RIN3: variants seen among roughly 807,000 people sequenced by gnomAD.
RIN3 encodes Ras and Rab interactor 3.
In RIN3, 54 loss-of-function variants were observed where a neutral mutation model predicts 76.3. The ratio of observed to expected loss-of-function variants is 0.71; its 90% confidence interval spans 0.57 to 0.89. The LOEUF is 0.89. Among genes scored for constraint, RIN3 ranks in the 40% least tolerant of loss-of-function variants. The pLI, the probability that RIN3 is intolerant of heterozygous loss-of-function variation, is 0.00. For synonymous variants in RIN3, 576 were observed against 564.0 expected (o/e 1.02, Z -0.30); for missense variants, 1,256 against 1,322.1 (o/e 0.95, Z 0.78).
intron 1 of RIN3, among the ~76,000 whole-genome samples, chr14:92,525,521 T>G (rs1595388464): frequency 1.4e-5 from 2 of 147,400 alleles, no homozygotes; most frequent in East Asian, 2.0e-4. Flanking sequence ...AAGAGGGGGG[T>G]GAAAGGGAAG....
chr14:92,624,844 G>C (rs1293746052), intron 4 of RIN3, among the ~76,000 whole-genome samples: 1 of 152,218 alleles, frequency 6.6e-6, no homozygotes, highest in African/African-American at 2.4e-5. Flanking sequence ...TGACGCTGGA[G>C]GGGGCGGTGC....
At chr14:92,588,702 T>G (rs1332312015) in intron 3 of RIN3, among the ~76,000 whole-genome samples, 1 of 152,188 alleles carries the variant, frequency 6.6e-6, no homozygotes, top group African/African-American at 2.4e-5. Flanking sequence ...CATAGCAGCA[T>G]GAAAGGAGGC....
intron 3 of RIN3, among the ~76,000 whole-genome samples, chr14:92,582,237 C>T (rs1884571231): frequency 6.6e-6 from 1 of 152,118 alleles, no homozygotes; most frequent in Admixed American, 6.5e-5. Flanking sequence ...TGGGTTCTTT[C>T]TTCCTCCCAG....
intron 6 of RIN3, among the ~76,000 whole-genome samples, chr14:92,654,508 A>G (rs114078074): frequency 0.013 from 2,015 of 152,236 alleles, 39 homozygotes; most frequent in African/African-American, 0.045. Flanking sequence ...GGTACGGTAA[A>G]GGACACGTGG....
Position 92,688,238 on chromosome 14 carries a change from C to G in RIN3, c.2944C>G (p.Pro982Ala). 3 of 1,590,610 alleles carry G rather than the reference C, an allele frequency of 1.9e-6. No individual in the cohort carries two copies. Among genetic ancestry groups the G allele is most frequent in the Non-Finnish European group, 1.7e-6 (2 of 1,170,008 alleles). ...GSPPCLVVRE[P>A]NFL Reference sequence around the variant, plus strand: ...CCCGCCCTGCCTGGTGGTGCGGGAGCCCAACTTCCTGTGAGGCCCTCCCGG... The same window carrying G: ...CCCGCCCTGCCTGGTGGTGCGGGAGGCCAACTTCCTGTGAGGCCCTCCCGG... Residue 982 changes from proline (P) to alanine (A), a missense_variant, in exon 10 of 10, where the codon CCC becomes GCC. Pro to Ala is a conservative substitution (Grantham distance 27). Coordinates refer to ENST00000216487, the MANE Select transcript of RIN3 (RefSeq NM_024832.5).
At chr14:92,677,676 T>A (rs983005332) in intron 8 of RIN3, among the ~76,000 whole-genome samples, 1 of 151,982 alleles carries the variant, frequency 6.6e-6, no homozygotes, top group Non-Finnish European at 1.5e-5. Context: ...TTCTAGGAAG[T>A]CCAGGAATTC....
At chr14:92,548,870 A>T (rs943666) in intron 1 of RIN3, among the ~76,000 whole-genome samples, 1 of 151,834 alleles carries the variant, frequency 6.6e-6, no homozygotes, top group African/African-American at 2.4e-5. Context: ...ACACAATTCA[A>T]CCTCTGAGGT....
chr14:92,604,099 C>A (rs10137832), intron 3 of RIN3, among the ~76,000 whole-genome samples: 126,507 of 152,242 alleles, frequency 0.83, 52,797 homozygotes, highest in East Asian at 0.95. Flanking sequence ...ATGGGGAAGG[C>A]GCCTGCCCCT....
intron 3 of RIN3, among the ~76,000 whole-genome samples, chr14:92,581,056 AAG>A (rs1408192001): frequency 6.6e-6 from 1 of 152,194 alleles, no homozygotes; most frequent in East Asian, 1.9e-4. Flanking sequence ...TCAAAGAAGG[AAG>A]AGAGTGTTAT....
At position 92,687,962 on chromosome 14, in the gene RIN3, C is replaced by G; in HGVS notation, c.2668C>G (p.Gln890Glu). 1.3e-6 allele frequency: 2 copies of G among 1,554,862 alleles called. No individual in the cohort carries two copies. The highest frequency in any genetic ancestry group is 1.7e-6 in the Non-Finnish European group (2 of 1,150,390). ...ICVSYLEPEQQARTLASRADT... is the reference protein window; with the variant it reads ...ICVSYLEPEQEARTLASRADT... ...CGTGTCGTACCTGGAGCCCGAGCAGCAGGCGCGGACGCTGGCGTCGCGGGC... is the reference window on the plus strand; with the variant it reads ...CGTGTCGTACCTGGAGCCCGAGCAGGAGGCGCGGACGCTGGCGTCGCGGGC... The change falls in exon 10 of 10, where the codon CAG becomes GAG. Residue 890 changes from glutamine to glutamate, a missense_variant. Gln to Glu is a conservative substitution (Grantham distance 29, BLOSUM62 2). Transcript: ENST00000216487.
intron 1 of RIN3, among the ~76,000 whole-genome samples, chr14:92,525,469 C>T (rs1036654688): frequency 2.6e-5 from 4 of 151,680 alleles, no homozygotes; most frequent in South Asian, 2.1e-4. Flanking sequence ...GTGCAGGGCT[C>T]GGTAAGTGTT....
chr14:92,620,759 G>A (rs543310460), intron 4 of RIN3, among the ~76,000 whole-genome samples: 255 of 152,214 alleles, frequency 1.7e-3, no homozygotes, highest in African/African-American at 5.7e-3. Context: ...GTGTTACCTA[G>A]GGCCCCCAAA....
intron 6 of RIN3, among the ~76,000 whole-genome samples, chr14:92,658,087 G>A (rs1293740566): frequency 1.3e-5 from 2 of 152,272 alleles, no homozygotes; most frequent in Admixed American, 6.5e-5. Flanking sequence ...CATCCCCTTG[G>A]TATCAAGTAG....
chr14:92,622,929 C>T (rs1280781816), intron 4 of RIN3, among the ~76,000 whole-genome samples: 2 of 152,212 alleles, frequency 1.3e-5, no homozygotes, highest in East Asian at 1.9e-4. Context: ...ATTCGGATTT[C>T]GTGTTCGTTC....
In RIN3 at chr14:92,643,259, G is replaced by C. The variant is rs1887081931; in HGVS notation, c.532+1930G>C. ...AGTAGAGACAGGGTTTCACCATATT[G>C]GTCAGGCTGGTCTTGAACTCCTGAC... On this transcript the variant is annotated intron_variant, in intron 5 of 9. Transcript: ENST00000216487. The surrounding 1 kb of genome is among the most constrained non-coding windows in gnomAD (Gnocchi z 4.8). 6.6e-6 allele frequency among the ~76,000 whole-genome samples: 1 copy of C among 151,938 alleles called. No homozygotes were observed. Among genetic ancestry groups the C allele is most frequent in the Non-Finnish European group, 1.5e-5 (1 of 67,982 alleles).
chr14:92,633,670 C>T (rs1886668157), intron 4 of RIN3, among the ~76,000 whole-genome samples: 1 of 152,264 alleles, frequency 6.6e-6, no homozygotes, highest in East Asian at 1.9e-4. Flanking sequence ...TTGTTGTATA[C>T]CCAGTTGGTG....
intron 4 of RIN3, 53 bp from the exon 5 acceptor site, chr14:92,641,177 TGGAGGCTG>T (rs1886996188): frequency 2.3e-6 from 3 of 1,302,168 alleles, no homozygotes. Context: ...TCTTCCTTTG[TGGAGGCTG>T]GGAATGGACA....
chr14:92,542,535 A>C (rs1187345235), intron 1 of RIN3, among the ~76,000 whole-genome samples: 1 of 152,202 alleles, frequency 6.6e-6, no homozygotes, highest in Non-Finnish European at 1.5e-5. Flanking sequence ...TAAACACAGA[A>C]TTACCATATA....
chr14:92,561,078 TA>T (rs1897758088), intron 2 of RIN3, among the ~76,000 whole-genome samples: 1 of 121,004 alleles, frequency 8.3e-6, no homozygotes, highest in African/African-American at 3.0e-5. Context: ...ATGCCATAAA[TA>T]TATATATATC....
Sources: gnomAD v4.1 joint callset for allele counts (sites outside exome capture counted in the v4.1 genomes callset) on GRCh38, gnomAD v4.1.1 for gene constraint, Gnocchi (gnomAD v3.1) non-coding constraint, MANE v1.5 for transcripts, NCBI Gene and HGNC (gene_info 2026-07-23, HGNC 2026-07-21) for gene names.